The following TP53BP1 variants were observed in gnomAD, a reference collection of about 807,000 sequenced individuals.
The protein encoded by TP53BP1 is TP53-binding protein 1.
Under a neutral mutation model 200.8 loss-of-function variants are expected in TP53BP1, and 61 were observed. The observed-to-expected ratio is 0.30, with a 90% CI of 0.25 to 0.38. TP53BP1 has a LOEUF of 0.38. TP53BP1 is among the 10% of genes least tolerant of loss of function. The pLI, the probability that TP53BP1 is intolerant of heterozygous loss-of-function variation, is 1.00. For synonymous variants in TP53BP1, 822 were observed against 844.3 expected (o/e 0.97, Z 0.46); for missense variants, 2,144 against 2,371.9 (o/e 0.90, Z 2.00).
intron 1 of TP53BP1, among the ~76,000 whole-genome samples, chr15:43,506,808 T>G (rs1266926978): frequency 6.6e-6 from 1 of 152,210 alleles, no homozygotes; most frequent in African/African-American, 2.4e-5. Context: ...GGCAGGAGAA[T>G]AGTGTCTGGA....
chr15:43,505,615 T>C (rs899977670), intron 1 of TP53BP1, among the ~76,000 whole-genome samples: 9 of 152,206 alleles, frequency 5.9e-5, no homozygotes, highest in African/African-American at 1.9e-4. Flanking sequence ...CCCAGTCCCA[T>C]TGCTCTGCCC....
At chr15:43,411,219 T>C (rs1456748553) in intron 24 of TP53BP1, among the ~76,000 whole-genome samples, 2 of 152,216 alleles carry the variant, frequency 1.3e-5, no homozygotes, top group Non-Finnish European at 2.9e-5. Flanking sequence ...TTTTCTCAAA[T>C]AGTCTGGGTT....
At chr15:43,486,435 C>T (rs542932207) in intron 4 of TP53BP1, among the ~76,000 whole-genome samples, 116 of 152,228 alleles carry the variant, frequency 7.6e-4, no homozygotes, top group African/African-American at 2.7e-3. Context: ...CCCCATCTTT[C>T]ATTATCAGAA....
In TP53BP1 at chr15:43,421,729, G is replaced by C. The variant is rs976974224; in HGVS notation, c.4100+126C>G. ...ACAGGAAGAGAGCAAATAGTGAAGAGGGGTAGTTGATTTATCTTTAATGGA... is the reference window on the plus strand; with the variant it reads ...ACAGGAAGAGAGCAAATAGTGAAGACGGGTAGTTGATTTATCTTTAATGGA... On this transcript the variant is annotated intron_variant, in intron 19 of 27. Transcript: ENST00000382044. 9 of 1,305,218 alleles carry C rather than the reference G, an allele frequency of 6.9e-6. No individual in the cohort carries two copies. The Admixed American group carries it at 2.1e-4, about 30-fold the overall frequency. 80.9% of individuals were successfully genotyped at this position (1,305,218 alleles called of 1,614,324 possible).
At chr15:43,445,695 T>C (rs2046026018) in intron 14 of TP53BP1, among the ~76,000 whole-genome samples, 1 of 152,132 alleles carries the variant, frequency 6.6e-6, no homozygotes, top group South Asian at 2.1e-4. Flanking sequence ...TCTCTCTTTT[T>C]TTCCTCCCCC....
At chr15:43,471,738 T>A (rs1026105583) in intron 10 of TP53BP1, among the ~76,000 whole-genome samples, 1 of 152,120 alleles carries the variant, frequency 6.6e-6, no homozygotes. Flanking sequence ...TGAGAAAGTA[T>A]ATTTAATATA....
intron 1 of TP53BP1, among the ~76,000 whole-genome samples, chr15:43,507,473 A>G (rs1595639993): frequency 6.6e-6 from 1 of 152,062 alleles, no homozygotes; most frequent in Non-Finnish European, 1.5e-5. Flanking sequence ...AACCTGGACA[A>G]CTCGTAGTCA....
intron 24 of TP53BP1, among the ~76,000 whole-genome samples, chr15:43,412,374 C>G (rs2045141066): frequency 6.6e-6 from 1 of 152,212 alleles, no homozygotes; most frequent in Non-Finnish European, 1.5e-5. Flanking sequence ...ATCATTCCAT[C>G]TGGACCTTTA....
intron 15 of TP53BP1, among the ~76,000 whole-genome samples, chr15:43,440,327 C>A (rs567889756): frequency 6.6e-6 from 1 of 151,748 alleles, no homozygotes; most frequent in Admixed American, 6.6e-5. Flanking sequence ...CTGGCTAACA[C>A]GGTGAAACCC....
intron 17 of TP53BP1, among the ~76,000 whole-genome samples, chr15:43,429,619 C>T (rs2045626426): frequency 6.6e-6 from 1 of 152,128 alleles, no homozygotes; most frequent in African/African-American, 2.4e-5. Context: ...CACTCCAATT[C>T]CAACTTGGAA....
intron 3 of TP53BP1, 65 bp downstream of exon 3, chr15:43,491,937 T>C (rs2079129579): frequency 1.5e-6 from 2 of 1,307,306 alleles, no homozygotes; most frequent in Admixed American, 3.4e-5. Context: ...AAAGTTTAAA[T>C]CCACCCAGCA....
chr15:43,497,462 C>T (rs567004814), upstream of TP53BP1: 3 of 985,402 alleles, frequency 3.0e-6, no homozygotes, highest in South Asian at 4.7e-5. Context: ...AAATTCTCAT[C>T]CTGTGACTCG....
At chr15:43,477,299 CA>C (rs59711190) in intron 8 of TP53BP1, among the ~76,000 whole-genome samples, 246 of 99,390 alleles carry the variant, frequency 2.5e-3, no homozygotes, top group Admixed American at 3.9e-3. Flanking sequence ...GACTCCATCT[CA>C]AAAAAAAAAA....
In TP53BP1 at chr15:43,403,547, G is replaced by A; in HGVS notation, c.*3836C>T. The A allele has an allele frequency of 3.1e-6, 2 of 651,166 alleles. No individual in the cohort carries two copies. Among genetic ancestry groups the A allele is most frequent in the Non-Finnish European group, 5.4e-6 (2 of 370,620 alleles). The allele number at this position is 651,166 out of a possible 1,614,324, so 40.3% of individuals were successfully genotyped here. On this transcript the variant is annotated 3_prime_UTR_variant, in exon 28 of 28. Coordinates refer to ENST00000382044, the MANE Select transcript of TP53BP1 (RefSeq NM_001141980.3). ...TGAGGGGCTGGCAGGCCTTGCACGTGGCAGTGTCTATCCTGTCAGATTTGG... is the reference window on the plus strand; with the variant it reads ...TGAGGGGCTGGCAGGCCTTGCACGTAGCAGTGTCTATCCTGTCAGATTTGG...
chr15:43,469,712 G>A (rs1006499824), intron 11 of TP53BP1, 146 bp downstream of exon 11: 17 of 701,956 alleles, frequency 2.4e-5, no homozygotes, highest in African/African-American at 1.8e-4. Context: ...GCTTTGTGAC[G>A]ACAGCTTCAC....
chr15:43,415,964 C>A (rs1451548540), intron 22 of TP53BP1, among the ~76,000 whole-genome samples, 155 bp from the exon 23 acceptor site: 2 of 152,162 alleles, frequency 1.3e-5, no homozygotes, highest in African/African-American at 4.8e-5. Context: ...TATTTTTTAT[C>A]TAGTCTTTGC....
At chr15:43,491,529 ATCT>A in intron 4 of TP53BP1, 137 bp downstream of exon 4, 1 of 722,740 alleles carries the variant, frequency 1.4e-6, no homozygotes, top group Non-Finnish European at 2.5e-6. Flanking sequence ...TTACAATACT[ATCT>A]AATACAACCC....
intron 10 of TP53BP1, 81 bp from the exon 11 acceptor site, chr15:43,470,147 C>G: frequency 8.8e-7 from 1 of 1,133,128 alleles, no homozygotes; most frequent in Non-Finnish European, 1.3e-6. Flanking sequence ...AGAACAATTA[C>G]ACTACAGACA....
intron 14 of TP53BP1, among the ~76,000 whole-genome samples, chr15:43,444,704 T>C (rs1193129603): frequency 6.6e-6 from 1 of 152,190 alleles, no homozygotes; most frequent in Non-Finnish European, 1.5e-5. Context: ...GTACCTGGTA[T>C]ACAGTAAGAG....
Sources: allele counts gnomAD v4.1 joint callset (sites outside exome capture counted in the v4.1 genomes callset), GRCh38; gene constraint gnomAD v4.1.1; transcripts MANE v1.5; gene names NCBI Gene and HGNC (gene_info 2026-07-23, HGNC 2026-07-21).